Variants in ORC3 observed in about 807,000 individuals in gnomAD.
ORC3 encodes the protein homolog of latheo, Drosophila.
A neutral mutation model predicts 100.7 loss-of-function variants in ORC3; 78 were observed. That is an observed-to-expected ratio of 0.77 (90% CI 0.65 to 0.94). ORC3 has a LOEUF of 0.94. Among genes scored for constraint, ORC3 ranks in the 40% least tolerant of loss-of-function variants. ORC3 has a pLI of 0.00. For missense variants in ORC3, 789 were observed against 823.9 expected (o/e 0.96, Z 0.52); for synonymous variants, 295 against 289.3 (o/e 1.02, Z -0.20).
At chr6:87,602,985 A>ATATAT (rs1387217000) in intron 3 of ORC3, among the ~76,000 whole-genome samples, 7 of 132,902 alleles carry the variant, frequency 5.3e-5, no homozygotes, top group East Asian at 2.1e-4. Context: ...ATATATATAC[A>ATATAT]ATTTTTTTTT....
At chr6:87,660,409 C>T (rs923655649) in intron 16 of ORC3, among the ~76,000 whole-genome samples, 3 of 152,250 alleles carry the variant, frequency 2.0e-5, no homozygotes, top group Admixed American at 2.0e-4. Flanking sequence ...CAAGGTCACA[C>T]AGTCTCATTC....
At chr6:87,627,001 A>G (rs1455424678) in intron 11 of ORC3, among the ~76,000 whole-genome samples, 1 of 151,626 alleles carries the variant, frequency 6.6e-6, no homozygotes, top group Non-Finnish European at 1.5e-5. Context: ...TTTTTATTTT[A>G]TTTTATTTTT....
At chr6:87,611,190 G>T (rs1354892160) in intron 7 of ORC3, among the ~76,000 whole-genome samples, 2 of 151,864 alleles carry the variant, frequency 1.3e-5, no homozygotes, top group African/African-American at 2.4e-5. Context: ...GCCCTCCTCA[G>T]TCTCCCAACG....
At chr6:87,665,048 T>C (rs1424209803) in intron 18 of ORC3, among the ~76,000 whole-genome samples, 189 bp downstream of exon 18, 1 of 152,182 alleles carries the variant, frequency 6.6e-6, no homozygotes, top group Non-Finnish European at 1.5e-5. Context: ...CAGTCCCCAC[T>C]CCCAATCCCC....
chr6:87,666,730 A>C (rs1770674640), intron 19 of ORC3, among the ~76,000 whole-genome samples: 1 of 151,728 alleles, frequency 6.6e-6, no homozygotes, highest in African/African-American at 2.4e-5. Flanking sequence ...TGAGCCACTG[A>C]CCTGGTCTGA....
intron 14 of ORC3, among the ~76,000 whole-genome samples, chr6:87,655,390 G>A (rs1357328639): frequency 6.9e-6 from 1 of 145,168 alleles, no homozygotes; most frequent in Non-Finnish European, 1.5e-5. Flanking sequence ...GTCTCCCACT[G>A]TTGTCCAGGC....
chr6:87,674,720 C>T, the ORC3 span, among the ~76,000 whole-genome samples: 2 of 148,678 alleles, frequency 1.3e-5, no homozygotes, highest in Non-Finnish European at 3.0e-5. Context: ...GTGATCCTCC[C>T]GCCTCGGCCT....
At chr6:87,652,955 C>T (rs1769389798) in intron 13 of ORC3, among the ~76,000 whole-genome samples, 161 bp from the exon 14 acceptor site, 1 of 152,178 alleles carries the variant, frequency 6.6e-6, no homozygotes, top group Non-Finnish European at 1.5e-5. Context: ...CTGAATGTCA[C>T]ATATATGGAG....
intron 1 of ORC3, among the ~76,000 whole-genome samples, chr6:87,591,922 G>T (rs541455615): frequency 1.3e-5 from 2 of 152,102 alleles, no homozygotes; most frequent in African/African-American, 2.4e-5. Flanking sequence ...GAAGAGACAG[G>T]GTTTCACCAT....
chr6:87,671,460 C>T (rs1487710998), downstream of ORC3, among the ~76,000 whole-genome samples: 12 of 151,858 alleles, frequency 7.9e-5, no homozygotes, highest in African/African-American at 1.9e-4. Context: ...ACGTAAATTT[C>T]GAGGTGTCTA....
At position 87,605,140 on chromosome 6, in the gene ORC3, C is replaced by T. The variant is rs181358861; in HGVS notation, c.323-777C>T. On this transcript the variant is annotated intron_variant, in intron 4 of 19. Transcript: ENST00000392844. ...TTGCAGAAATGAAAACCAGGGATTC[C>T]GTAAATACCAAAAGAACCCATAGTT... Among the ~76,000 whole-genome samples, 103 of 152,142 alleles carry T rather than the reference C, an allele frequency of 6.8e-4. 1 individual carries two copies. In the Middle Eastern group the frequency reaches 0.014, roughly 20 times the overall value.
chr6:87,666,120 TTTTG>T (rs1335314790), intron 19 of ORC3, among the ~76,000 whole-genome samples: 1 of 152,150 alleles, frequency 6.6e-6, no homozygotes, highest in Non-Finnish European at 1.5e-5. Context: ...TTTTTTTGGT[TTTTG>T]TTTTTTTTGT....
chr6:87,660,002 A>G (rs1185094725), intron 16 of ORC3, among the ~76,000 whole-genome samples: 2 of 152,126 alleles, frequency 1.3e-5, no homozygotes, highest in Non-Finnish European at 1.5e-5. Context: ...GTCTAGCCCC[A>G]AACTCTTGAC....
At position 87,612,091 on chromosome 6, in the gene ORC3, A is replaced by G. The variant is rs1054828435; in HGVS notation, c.716A>G (p.Gln239Arg). Residue 239 changes from glutamine (Q) to arginine (R), a missense_variant and splice_region_variant, in exon 8 of 20, where the codon CAA becomes CGA. Physicochemically the swap from Gln to Arg is conservative, Grantham distance 43 (BLOSUM62 1). This residue lies in a region of ORC3 where 399 missense variants were observed against 382.0 expected (regional missense o/e 1.04). Coordinates refer to ENST00000392844, the MANE Select transcript of ORC3 (RefSeq NM_012381.4). ...TTGTGTCTGTCTTTCAAAACTAGTCAACATCTCCATGAATTTCCACTAATA... is the reference window on the plus strand; with the variant it reads ...TTGTGTCTGTCTTTCAAAACTAGTCGACATCTCCATGAATTTCCACTAATA... ...VLQDFIIISS[Q>R]HLHEFPLILI... 2 of 1,608,066 alleles carry G rather than the reference A, an allele frequency of 1.2e-6. No individual in the cohort carries two copies. The highest frequency in any genetic ancestry group is 8.5e-7 in the Non-Finnish European group (1 of 1,178,608).
chr6:87,639,916 G>A (rs1459692177), intron 13 of ORC3, among the ~76,000 whole-genome samples: 1 of 151,580 alleles, frequency 6.6e-6, no homozygotes, highest in Non-Finnish European at 1.5e-5. Flanking sequence ...AGGATCACTT[G>A]AGCTTGGGAG....
At chr6:87,622,289 T>C (rs911274547) in intron 11 of ORC3, among the ~76,000 whole-genome samples, 2 of 152,144 alleles carry the variant, frequency 1.3e-5, no homozygotes, top group Admixed American at 1.3e-4. Context: ...TATAGAGATC[T>C]GCTATGTGAA....
At chr6:87,612,028 T>C in intron 7 of ORC3, 61 bp from the exon 8 acceptor site, 2 of 1,436,030 alleles carry the variant, frequency 1.4e-6, no homozygotes, top group South Asian at 2.5e-5. Context: ...TGTTGAAATA[T>C]GATGTATTGA....
chr6:87,591,991 A>G (rs796161058), intron 1 of ORC3, among the ~76,000 whole-genome samples: 19 of 152,260 alleles, frequency 1.2e-4, no homozygotes, highest in African/African-American at 4.6e-4. Flanking sequence ...TCGGCCTCCC[A>G]AAGTGCTAGG....
intron 7 of ORC3, 127 bp downstream of exon 7, chr6:87,609,356 T>C: frequency 1.6e-6 from 1 of 629,834 alleles, no homozygotes; most frequent in African/African-American, 1.9e-5. Context: ...AAATTCTTTA[T>C]AATTGAATAT....
Sources: allele counts gnomAD v4.1 joint callset (sites outside exome capture counted in the v4.1 genomes callset), GRCh38; gene constraint gnomAD v4.1.1; regional missense constraint gnomAD v4.1.1; transcripts MANE v1.5; gene names NCBI Gene and HGNC (gene_info 2026-07-23, HGNC 2026-07-21).